The following SRPK2 variants were observed in gnomAD, a reference collection of about 807,000 sequenced individuals.
SRPK2 encodes the protein SRSF protein kinase 2, also known as SFRS protein kinase 2.
A neutral mutation model predicts 90.8 loss-of-function variants in SRPK2; 21 were observed. That is an observed-to-expected ratio of 0.23 (90% CI 0.16 to 0.33). The LOEUF is 0.33. SRPK2 is among the 10% of genes least tolerant of loss of function. The probability of loss-of-function intolerance (pLI) is 1.00; values close to 1 mark genes in which losing one functional copy is unlikely to be tolerated. For missense variants in SRPK2, 620 were observed against 869.0 expected, an observed-to-expected ratio of 0.71 and a Z score of 3.60; for synonymous variants, 288 against 311.1, an observed-to-expected ratio of 0.93 and a Z score of 0.78.
chr7:105,243,346 T>A (rs1801076267), intron 2 of SRPK2, among the ~76,000 whole-genome samples: 3 of 152,118 alleles, frequency 2.0e-5, no homozygotes, highest in South Asian at 4.1e-4. Flanking sequence ...ATGATGACAC[T>A]TCACAGTTGA....
At chr7:105,306,553 G>A (rs1234167245) in intron 2 of SRPK2, 7 of 442,782 alleles carry the variant, frequency 1.6e-5, no homozygotes, top group Admixed American at 1.5e-4. Context: ...TACCCTTGAA[G>A]CAGCAGGATG....
intron 2 of SRPK2, among the ~76,000 whole-genome samples, chr7:105,315,268 G>A (rs556277189): frequency 1.3e-5 from 2 of 151,834 alleles, no homozygotes; most frequent in South Asian, 4.2e-4. Flanking sequence ...CTAACAACTG[G>A]GAAAATAAAA....
At chr7:105,279,035 T>A in intron 2 of SRPK2, among the ~76,000 whole-genome samples, 1 of 152,196 alleles carries the variant, frequency 6.6e-6, no homozygotes, top group Admixed American at 6.5e-5. Flanking sequence ...GTGATTTCAT[T>A]TTTCAAGATG....
At chr7:105,324,949 A>G (rs543671003) in intron 2 of SRPK2, among the ~76,000 whole-genome samples, 3 of 152,312 alleles carry the variant, frequency 2.0e-5, no homozygotes, top group Admixed American at 6.5e-5. Flanking sequence ...TATTTTTCCT[A>G]TTGTAAAATC....
chr7:105,141,576 T>C (rs1251623278), intron 11 of SRPK2, among the ~76,000 whole-genome samples: 2 of 152,148 alleles, frequency 1.3e-5, no homozygotes, highest in Admixed American at 1.3e-4. Context: ...CAAAAGACAA[T>C]ATGACACTTC....
At chr7:105,301,481 A>G (rs1000090091) in intron 2 of SRPK2, 3 of 1,054,976 alleles carry the variant, frequency 2.8e-6, no homozygotes, top group Non-Finnish European at 4.4e-6. Flanking sequence ...CGTTGTTGCA[A>G]GCACCGTCCA....
At chr7:105,159,472 A>AAAAAAAAAAAAAAAAAAAAAAC in intron 7 of SRPK2, among the ~76,000 whole-genome samples, 1 of 149,632 alleles carries the variant, frequency 6.7e-6, no homozygotes, top group Non-Finnish European at 1.5e-5. Context: ...AAAAAAAAAA[A>AAAAAAAAAAAAAAAAAAAAAAC]ACCGTACAAA....
intron 2 of SRPK2, among the ~76,000 whole-genome samples, chr7:105,372,983 G>A (rs1293004073): frequency 2.6e-5 from 4 of 152,048 alleles, no homozygotes; most frequent in African/African-American, 9.7e-5. Flanking sequence ...CAGCTACTTG[G>A]GCCACTGAGG....
chr7:105,398,381 C>CTTT (rs1183621196), intron 1 of SRPK2, among the ~76,000 whole-genome samples: 7 of 135,086 alleles, frequency 5.2e-5, no homozygotes, highest in Non-Finnish European at 8.0e-5. Context: ...ACCCAGCCTC[C>CTTT]TTTTTTTTTT....
At chr7:105,272,568 C>CAA (rs921134489) in intron 2 of SRPK2, among the ~76,000 whole-genome samples, 126 of 151,954 alleles carry the variant, frequency 8.3e-4, no homozygotes, top group African/African-American at 3.0e-3. Flanking sequence ...TTTGCAAGAC[C>CAA]GTTATCTTCC....
intron 2 of SRPK2, among the ~76,000 whole-genome samples, chr7:105,269,905 T>C (rs1291900997): frequency 6.6e-6 from 1 of 152,230 alleles, no homozygotes; most frequent in Non-Finnish European, 1.5e-5. Flanking sequence ...AAAGTTCACA[T>C]ACTAAAAAAT....
intron 7 of SRPK2, among the ~76,000 whole-genome samples, chr7:105,157,053 G>A (rs1806601001): frequency 1.3e-5 from 2 of 152,106 alleles, no homozygotes. Flanking sequence ...ATAGAAAGGA[G>A]AATAAACTGG....
chr7:105,202,100 G>A (rs1795637340), intron 3 of SRPK2, among the ~76,000 whole-genome samples: 1 of 152,168 alleles, frequency 6.6e-6, no homozygotes, highest in South Asian at 2.1e-4. Context: ...TGCTAAGTAA[G>A]ATCTACACTC....
chr7:105,280,976 A>G (rs1412356628), intron 2 of SRPK2, among the ~76,000 whole-genome samples: 1 of 131,504 alleles, frequency 7.6e-6, no homozygotes, highest in Non-Finnish European at 1.7e-5. Flanking sequence ...AAAAAAAAAA[A>G]AAAAAAAAAC....
At chr7:105,128,372 C>A (rs796775424) in intron 13 of SRPK2, among the ~76,000 whole-genome samples, 10 of 152,238 alleles carry the variant, frequency 6.6e-5, no homozygotes, top group South Asian at 2.1e-4. Context: ...ACGAAGGCAC[C>A]AGCAGAAAAC....
intron 2 of SRPK2, among the ~76,000 whole-genome samples, chr7:105,313,187 T>A (rs374109580): frequency 6.6e-6 from 1 of 152,146 alleles, no homozygotes; most frequent in South Asian, 2.1e-4. Flanking sequence ...GGCTCAAGCC[T>A]GTAATCCCAG....
rs145567351 is a variant in SRPK2, at chr7:105,373,050, T to C, written c.71+15598A>G. Among the ~76,000 whole-genome samples, 166 of 152,196 alleles carry C rather than the reference T, an allele frequency of 1.1e-3. 1 individual carries two copies. The highest frequency in any genetic ancestry group is 3.9e-3 in the African/African-American group (160 of 41,526). ...GTTGCAGTGAGCCAAGATAGCGCCA[T>C]TGCTCTCTAGCCTCAGCGACAAGAG... On this transcript the variant is annotated intron_variant, in intron 2 of 15. Coordinates refer to ENST00000393651, the MANE Select transcript of SRPK2 (RefSeq NM_182692.3).
intron 2 of SRPK2, among the ~76,000 whole-genome samples, chr7:105,331,337 A>AAAAAAAAAAAAAAC (rs1554512429): frequency 7.1e-5 from 10 of 141,826 alleles, no homozygotes; most frequent in Non-Finnish European, 1.4e-4. Context: ...AAAAAAAAAA[A>AAAAAAAAAAAAAAC]CAAATAGTTA....
At chr7:105,192,161 T>TA (rs1585121249) in intron 3 of SRPK2, among the ~76,000 whole-genome samples, 2 of 152,030 alleles carry the variant, frequency 1.3e-5, no homozygotes, top group South Asian at 2.1e-4. Flanking sequence ...CCATCACCGA[T>TA]AGAGTATACA....
Sources: allele counts gnomAD v4.1 joint callset (sites outside exome capture counted in the v4.1 genomes callset), GRCh38; gene constraint gnomAD v4.1.1; transcripts MANE v1.5; gene names NCBI Gene and HGNC (gene_info 2026-07-23, HGNC 2026-07-21).